DNAH10: variants seen among roughly 807,000 people sequenced by gnomAD.
The protein encoded by DNAH10 is dynein axonemal heavy chain 10, also known as axonemal beta dynein heavy chain 10.
A neutral mutation model predicts 506.6 loss-of-function variants in DNAH10; 348 were observed. That is an observed-to-expected ratio of 0.69 (90% confidence interval 0.63 to 0.75). The LOEUF (loss-of-function observed/expected upper bound fraction) is 0.75. DNAH10 is among the 30% of genes least tolerant of loss of function. DNAH10 has a pLI of 0.00. For synonymous variants in DNAH10, 2,059 were observed against 2,198.6 expected (o/e 0.94, Z 1.78); for missense variants, 5,179 against 5,787.1 (o/e 0.89, Z 3.41).
chr12:123,826,473 G>A (rs1170429587), intron 24 of DNAH10, among the ~76,000 whole-genome samples: 1 of 152,204 alleles, frequency 6.6e-6, no homozygotes, highest in Non-Finnish European at 1.5e-5. Context: ...CTCAGATACA[G>A]CATTATTTTT....
chr12:123,763,448 G>T (rs1956903608), intron 1 of DNAH10, among the ~76,000 whole-genome samples: 1 of 152,118 alleles, frequency 6.6e-6, no homozygotes, highest in Non-Finnish European at 1.5e-5. Context: ...GCCCCTTAAG[G>T]ACTTGGGGAT....
At chr12:123,813,727 T>G in intron 20 of DNAH10, 27 bp from the exon 21 acceptor site, 2 of 1,613,082 alleles carry the variant, frequency 1.2e-6, no homozygotes, top group Non-Finnish European at 1.7e-6. Context: ...TGTGTTTGCT[T>G]AGTGTTCTTT....
chr12:123,839,777 C>T (rs1229649214), intron 29 of DNAH10, among the ~76,000 whole-genome samples: 1 of 151,832 alleles, frequency 6.6e-6, no homozygotes, highest in Admixed American at 6.6e-5. Context: ...ATTCTCCTGC[C>T]TCAGCCTCCC....
At position 123,787,754 on chromosome 12, in the gene DNAH10, G is replaced by A. The variant is rs1382492446; in HGVS notation, c.1422-50G>A. The A allele has an allele frequency of 6.3e-6, 10 of 1,579,702 alleles. No individual in the cohort carries two copies. The highest frequency in any genetic ancestry group is 1.9e-4 in the Middle Eastern group (1 of 5,336). On this transcript the variant is annotated intron_variant, in intron 9 of 78. Coordinates refer to ENST00000673944, the MANE Select transcript of DNAH10 (RefSeq NM_001372106.1). This position sits in a 1 kb window ranked among gnomAD's most constrained non-coding sequence, Gnocchi z 4.6. ...GCTCCCCAGCCGGGGAGTGCGGCTC[G>A]GACCCGGAGCTCCGCCCTCCTCCCA...
At chr12:123,910,508 A>C in intron 58 of DNAH10, 28 bp from the exon 59 acceptor site, 1 of 1,602,462 alleles carries the variant, frequency 6.2e-7, no homozygotes, top group Non-Finnish European at 8.5e-7. Context: ...CTTGCCACTC[A>C]TAAAAATTAT....
At position 123,893,245 on chromosome 12, in the gene DNAH10, C is replaced by T. The variant is rs201720388; in HGVS notation, c.9008C>T (p.Ala3003Val). Residue 3003 changes from alanine (A) to valine (V), a missense_variant, in exon 53 of 79, where the codon GCG becomes GTG. Physicochemically the swap from Ala to Val is moderately conservative, Grantham distance 64. Coordinates refer to ENST00000673944, the MANE Select transcript of DNAH10 (RefSeq NM_001372106.1). ...CTTCCTTTTCCAGGAATTGTACCTGCGCTTTTTTCTGAAGAGGAGAAAGAG... is the reference window on the plus strand; with the variant it reads ...CTTCCTTTTCCAGGAATTGTACCTGTGCTTTTTTCTGAAGAGGAGAAAGAG... ...NNMLTSGIVP[A>V]LFSEEEKESI... The T allele has an allele frequency of 1.8e-5, 29 of 1,614,000 alleles. No individual in the cohort carries two copies. The highest frequency in any genetic ancestry group is 1.2e-4 in the Admixed American group (7 of 60,020).
At chr12:123,872,014 A>G (rs1952055826) in intron 45 of DNAH10, among the ~76,000 whole-genome samples, 2 of 152,272 alleles carry the variant, frequency 1.3e-5, no homozygotes, top group Middle Eastern at 3.4e-3. Flanking sequence ...GCCCTAATCT[A>G]TGGGTGAGAT....
At position 123,875,235 on chromosome 12, in the gene DNAH10, A is replaced by G. The variant is rs765420117; in HGVS notation, c.7943A>G (p.Asp2648Gly). 1 of 1,607,864 alleles carries G rather than the reference A, an allele frequency of 6.2e-7. No individual in the cohort carries two copies. Among genetic ancestry groups the G allele is most frequent in the Non-Finnish European group, 8.5e-7 (1 of 1,176,540 alleles). The change falls in exon 47 of 79, where the codon GAT (aspartate) becomes GGT (glycine). Residue 2648 changes from aspartate (D) to glycine (G), a missense_variant. By Grantham distance (94) the Asp-to-Gly change is moderately conservative. Coordinates refer to ENST00000673944, the MANE Select transcript of DNAH10 (RefSeq NM_001372106.1). Reference sequence around the variant, plus strand: ...TCTTTTTTAAAAAAAATCAAGGTGGATGAATATGGCACGCAGCAGCCCATT... The same window carrying G: ...TCTTTTTTAAAAAAAATCAAGGTGGGTGAATATGGCACGCAGCAGCCCATT... ...FMDDMNMPRVDEYGTQQPIAL... is the reference protein window; with the variant it reads ...FMDDMNMPRVGEYGTQQPIAL...
rs1048419626 is a variant in DNAH10 at position 123,858,090 on chromosome 12, G to C, written c.6630+843G>C. ...TATATAGTTTTTTTTCACACAATGTGATCAGGTGACTCAAATATTTTGTTT... is the reference window on the plus strand; with the variant it reads ...TATATAGTTTTTTTTCACACAATGTCATCAGGTGACTCAAATATTTTGTTT... On this transcript the variant is annotated intron_variant, in intron 37 of 78. Transcript: ENST00000673944. Among the ~76,000 whole-genome samples the C allele has an allele frequency of 6.6e-5, 10 of 152,028 alleles. No homozygotes were observed. The East Asian group carries it at 1.2e-3, about 18-fold the overall frequency.
rs12424155 is a variant in DNAH10, at chr12:123,861,011, G to A, written c.6750-1G>A. On this transcript the variant is annotated splice_acceptor_variant, in intron 38 of 78. Transcript: ENST00000673944. LOFTEE classifies it high-confidence loss of function. ...CATGGCTAAAGCCTCTCTTGATTTA[G>A]GCTTGGGCTGACGACAAAGTTGTAC... 1 of 1,613,890 alleles carries A rather than the reference G, an allele frequency of 6.2e-7. No individual in the cohort carries two copies. The highest frequency in any genetic ancestry group is 8.5e-7 in the Non-Finnish European group (1 of 1,179,882).
chr12:123,904,540 G>A (rs1468456592), intron 57 of DNAH10, among the ~76,000 whole-genome samples: 1 of 152,104 alleles, frequency 6.6e-6, no homozygotes, highest in African/African-American at 2.4e-5. Flanking sequence ...AGCTTCCATG[G>A]GGCCAAATAG....
At chr12:123,880,820 G>A (rs1381415081) in intron 50 of DNAH10, among the ~76,000 whole-genome samples, 1 of 112,760 alleles carries the variant, frequency 8.9e-6, no homozygotes, top group Admixed American at 1.2e-4. Flanking sequence ...CCCACAACAG[G>A]CCCTGGTGTG....
intron 1 of DNAH10, among the ~76,000 whole-genome samples, chr12:123,765,071 T>A (rs996468961): frequency 1.3e-5 from 2 of 152,004 alleles, no homozygotes; most frequent in Non-Finnish European, 2.9e-5. Context: ...TGTCCTTTGT[T>A]TCCTTTTTTT....
intron 37 of DNAH10, 39 bp downstream of exon 37, chr12:123,857,286 C>CT: frequency 3.4e-6 from 5 of 1,474,020 alleles, no homozygotes; most frequent in Non-Finnish European, 4.5e-6. Flanking sequence ...GCCGTGCATC[C>CT]TTTCCATTGG....
Position 123,909,193 on chromosome 12 carries a change from GCT to G in DNAH10, c.9816-63_9816-62del. On this transcript the variant is annotated intron_variant, in intron 57 of 78. Transcript: ENST00000673944. The surrounding 1 kb of genome is among the most constrained non-coding windows in gnomAD (Gnocchi z 5.4). ...TTTTGGTTGAGCTCGTTTTTCTGGA[GCT>G]CTCTTTCAGGCCAGATCCTGGCCAC... 5.8e-6 allele frequency: 9 copies of G among 1,562,718 alleles called. No individual in the cohort carries two copies. Among genetic ancestry groups the G allele is most frequent in the Non-Finnish European group, 7.8e-6 (9 of 1,153,842 alleles).
At chr12:123,874,357 G>A (rs1163755261) in intron 46 of DNAH10, among the ~76,000 whole-genome samples, 4 of 146,286 alleles carry the variant, frequency 2.7e-5, no homozygotes, top group Admixed American at 2.1e-4. Flanking sequence ...CCATCCATGT[G>A]TCTGTTTTTT....
In DNAH10 at chr12:123,819,153, T is replaced by G; in HGVS notation, c.3903T>G (p.Thr1301=). 1 of 1,613,192 alleles carries G rather than the reference T, an allele frequency of 6.2e-7. No homozygotes were observed. ...TGTAACCTCGTTTTTCTCAGCTTAC[T>G]CGAGGCGAAATAATGAACTACAGAG... The part of the protein sequence containing the change: ...GDIKRTFTEL[T]RGEIMNYRVQ... The change falls in exon 23 of 79, where the codon ACT becomes ACG. Residue 1301 remains threonine, a synonymous_variant. Transcript: ENST00000673944.
intron 19 of DNAH10, among the ~76,000 whole-genome samples, chr12:123,812,619 G>T (rs1198496536): frequency 6.6e-6 from 1 of 152,114 alleles, no homozygotes; most frequent in East Asian, 1.9e-4. Flanking sequence ...TTCATCCATG[G>T]TGTAGTTGGC....
In DNAH10 at chr12:123,896,111, T is replaced by TCACACACACACACACACACA. The variant is rs112187635; in HGVS notation, c.9280+1407_9280+1426dup. On this transcript the variant is annotated intron_variant, in intron 54 of 78. Coordinates refer to ENST00000673944, the MANE Select transcript of DNAH10 (RefSeq NM_001372106.1). Reference sequence around the variant, plus strand: ...CTGGGAGGCACAGTGAGACTTTATCTCACACACACACACACACACACACAC... The same window carrying TCACACACACACACACACACA: ...CTGGGAGGCACAGTGAGACTTTATCTCACACACACACACACACACACACACACACACACACACACACACAC... Among the ~76,000 whole-genome samples, 12 of 48,908 alleles carry TCACACACACACACACACACA rather than the reference T, an allele frequency of 2.5e-4. 1 individual carries two copies. Among genetic ancestry groups the TCACACACACACACACACACA allele is most frequent in the Non-Finnish European group, 4.9e-4 (11 of 22,506 alleles). The allele number at this position is 48,908 out of a possible 152,430, so 32.1% of individuals were successfully genotyped here. A position where few individuals can be genotyped will look rare whatever the true frequency, so the allele number is the denominator to read the frequency against.
Sources: allele counts gnomAD v4.1 joint callset (sites outside exome capture counted in the v4.1 genomes callset), GRCh38; gene constraint gnomAD v4.1.1; non-coding constraint Gnocchi (gnomAD v3.1); transcripts MANE v1.5; gene names NCBI Gene and HGNC (gene_info 2026-07-23, HGNC 2026-07-21).